KIAA1191: variants seen among roughly 807,000 people sequenced by gnomAD.
KIAA1191 encodes the protein putative monooxygenase p33MONOX.
In KIAA1191, 22 loss-of-function variants were observed where a neutral mutation model predicts 31.1. That is an observed-to-expected ratio of 0.71 (90% confidence interval 0.51 to 1.01). KIAA1191 has a LOEUF of 1.01. Among genes scored for constraint, KIAA1191 ranks in the 50% least tolerant of loss-of-function variants. The pLI is 0.00. For missense variants in KIAA1191, 319 were observed against 388.0 expected (o/e 0.82, Z 1.49); for synonymous variants, 130 against 143.9 (o/e 0.90, Z 0.69).
At chr5:176,350,570 G>C (rs776141924) in intron 6 of KIAA1191, 43 bp downstream of exon 6, 1 of 1,604,422 alleles carries the variant, frequency 6.2e-7, no homozygotes, top group Non-Finnish European at 8.5e-7. Flanking sequence ...TTCAAGCCAT[G>C]AACACTGAAG....
At chr5:176,360,220 G>C (rs1455321273) in intron 1 of KIAA1191, among the ~76,000 whole-genome samples, 1 of 146,756 alleles carries the variant, frequency 6.8e-6, no homozygotes, top group Admixed American at 6.9e-5. Context: ...GCAGTGGCGC[G>C]ATCTTGGCTC....
rs1365677177 is a variant in KIAA1191 at position 176,346,616 on chromosome 5, C to T, written c.*984G>A. 2 of 152,258 alleles carry T rather than the reference C, an allele frequency of 1.3e-5. No individual in the cohort carries two copies. The highest frequency in any genetic ancestry group is 2.9e-5 in the Non-Finnish European group (2 of 68,050). 9.4% of individuals were successfully genotyped at this position (152,258 alleles called of 1,614,324 possible). ...ATCTCACTTTAAAGTGCAAGAAAGG[C>T]TCTGCTAGAGTAGTGTTTGTTCTGT... On this transcript the variant is annotated 3_prime_UTR_variant, in exon 9 of 9. Transcript: ENST00000298569.
chr5:176,360,731 G>A (rs911638409), intron 1 of KIAA1191, among the ~76,000 whole-genome samples: 1 of 151,948 alleles, frequency 6.6e-6, no homozygotes, highest in Non-Finnish European at 1.5e-5. Flanking sequence ...AACCCGGGAG[G>A]CGGAGGTTGC....
rs1766490801 is a variant in KIAA1191, at chr5:176,346,226, A to G, written c.*1374T>C. ...AAAACAAAAAGCAGGTATTTGAGAC[A>G]GTGTTCAAGACAACAAGTGAACTTG... On this transcript the variant is annotated 3_prime_UTR_variant, in exon 9 of 9. Coordinates refer to ENST00000298569, the MANE Select transcript of KIAA1191 (RefSeq NM_020444.5). 1 of 152,268 alleles carries G rather than the reference A, an allele frequency of 6.6e-6. No homozygotes were observed. The highest frequency in any genetic ancestry group is 2.1e-4 in the South Asian group (1 of 4,836). The allele number at this position is 152,268 out of a possible 1,614,324, so 9.4% of individuals were successfully genotyped here. A position where few individuals can be genotyped will look rare whatever the true frequency, so the allele number is the denominator to read the frequency against.
chr5:176,360,643 A>C (rs970512934), intron 1 of KIAA1191, among the ~76,000 whole-genome samples: 1 of 151,726 alleles, frequency 6.6e-6, no homozygotes, highest in African/African-American at 2.4e-5. Context: ...TCTACTAAAA[A>C]TACAAAAATT....
At chr5:176,352,465 T>C (rs1285079366) in intron 5 of KIAA1191, among the ~76,000 whole-genome samples, 157 bp downstream of exon 5, 2 of 152,240 alleles carry the variant, frequency 1.3e-5, no homozygotes, top group South Asian at 2.1e-4. Flanking sequence ...ACTTAATAAA[T>C]GGAGCTTCAA....
At position 176,350,741 on chromosome 5, in the gene KIAA1191, G is replaced by A. The variant is rs747771883; in HGVS notation, c.335-4C>T. ...TGAATGCTTTCCTGGGTCTGTTCTG[G>A]GAACAGAGGAGATGACAGTCATGCC... On this transcript the variant is annotated splice_polypyrimidine_tract_variant and splice_region_variant and intron_variant, in intron 5 of 8. Transcript: ENST00000298569. 1.2e-6 allele frequency: 2 copies of A among 1,613,558 alleles called. No individual in the cohort carries two copies. The highest frequency in any genetic ancestry group is 1.1e-5 in the South Asian group (1 of 91,026).
chr5:176,348,179 T>A (rs1417853381), intron 7 of KIAA1191, 71 bp downstream of exon 7: 1 of 1,597,884 alleles, frequency 6.3e-7, no homozygotes, highest in Non-Finnish European at 8.6e-7. Flanking sequence ...CAGGCTTAAA[T>A]ACAACCTCAT....
At chr5:176,348,619 G>C (rs998485176) in intron 6 of KIAA1191, among the ~76,000 whole-genome samples, 1 of 150,936 alleles carries the variant, frequency 6.6e-6, no homozygotes, top group African/African-American at 2.4e-5. Flanking sequence ...TTTACTTTCA[G>C]AAACGTGAAG....
chr5:176,358,521 G>T (rs767096133), intron 3 of KIAA1191, among the ~76,000 whole-genome samples: 1 of 151,126 alleles, frequency 6.6e-6, no homozygotes, highest in Non-Finnish European at 1.5e-5. Flanking sequence ...TTTGAGACCA[G>T]CCTGGCCAAC....
In KIAA1191 at chr5:176,350,626, G is replaced by T. The variant is rs1240716783; in HGVS notation, c.446C>A (p.Ala149Asp). 1 of 1,613,840 alleles carries T rather than the reference G, an allele frequency of 6.2e-7. No homozygotes were observed. The highest frequency in any genetic ancestry group is 8.5e-7 in the Non-Finnish European group (1 of 1,180,018). ...TTEETKYLRV[A>D]EALHKLKLQS... ...CTAAGAGCTTACGTGGAGTGCTTCG[G>T]CCACTCGAAGGTACTTGGTCTCCTC... The change falls in exon 6 of 9, where the codon GCC becomes GAC. Residue 149 changes from alanine (A) to aspartate (D), a missense_variant. Physicochemically the swap from Ala to Asp is moderately radical, Grantham distance 126. Coordinates refer to ENST00000298569, the MANE Select transcript of KIAA1191 (RefSeq NM_020444.5).
chr5:176,360,812 T>C (rs761507572), intron 1 of KIAA1191, among the ~76,000 whole-genome samples: 3 of 150,936 alleles, frequency 2.0e-5, no homozygotes, highest in Non-Finnish European at 4.4e-5. Flanking sequence ...AAAATAAAAA[T>C]TAAAAAAATT....
At position 176,347,634 on chromosome 5, in the gene KIAA1191, C is replaced by T. The variant is rs780444541; in HGVS notation, c.884G>A (p.Arg295His). ...AGTGGGTGTGAGCACATTCAGGTCA[C>T]GGGGTTTGAGGTTATGGGCCCGTGG... ...QPPRAHNLKP[R>H]DLNVLTPTGF The change falls in exon 9 of 9, where the codon CGT becomes CAT. Residue 295 changes from arginine to histidine, a missense_variant. Physicochemically the swap from Arg to His is conservative, Grantham distance 29. Coordinates refer to ENST00000298569, the MANE Select transcript of KIAA1191 (RefSeq NM_020444.5). 1.3e-6 allele frequency: 2 copies of T among 1,534,770 alleles called. No homozygotes were observed. Among genetic ancestry groups the T allele is most frequent in the South Asian group, 1.3e-5 (1 of 76,972 alleles).
At chr5:176,354,824 G>A (rs1239232304) in intron 4 of KIAA1191, among the ~76,000 whole-genome samples, 6 of 152,210 alleles carry the variant, frequency 3.9e-5, no homozygotes, top group African/African-American at 1.4e-4. Flanking sequence ...ATGCAGGGAT[G>A]ACGACGGGGA....
intron 6 of KIAA1191, among the ~76,000 whole-genome samples, chr5:176,348,785 T>A (rs1460600835): frequency 6.6e-6 from 1 of 152,002 alleles, no homozygotes; most frequent in East Asian, 1.9e-4. Context: ...AAGCCAATAC[T>A]CAGGCATGCT....
In KIAA1191 at chr5:176,355,642, G is replaced by C; in HGVS notation, c.136C>G (p.Pro46Ala). 1.2e-6 allele frequency: 2 copies of C among 1,612,972 alleles called. No individual in the cohort carries two copies. Among genetic ancestry groups the C allele is most frequent in the South Asian group, 1.1e-5 (1 of 91,024 alleles). The change falls in exon 4 of 9, where the codon CCT (proline) becomes GCT (alanine). Residue 46 changes from proline to alanine, a missense_variant. Pro to Ala is a conservative substitution (Grantham distance 27). Coordinates refer to ENST00000298569, the MANE Select transcript of KIAA1191 (RefSeq NM_020444.5). The surrounding 1 kb of genome is among the most constrained non-coding windows in gnomAD (Gnocchi z 4.2). ...TLEDPAPMTP[P>A]PSDMGSVPWK... ...GGGACGCTGCCCATGTCCGATGGAG[G>C]AGGAGTCATGGGCGCAGGGTCCTCG...
rs575911822 is a variant in KIAA1191 at position 176,346,479 on chromosome 5, G to C, written c.*1121C>G. 80 of 152,292 alleles carry C rather than the reference G, an allele frequency of 5.3e-4. No individual in the cohort carries two copies. The highest frequency in any genetic ancestry group is 1.8e-3 in the African/African-American group (76 of 41,574). 9.4% of individuals were successfully genotyped at this position (152,292 alleles called of 1,614,324 possible). A position where few individuals can be genotyped will look rare whatever the true frequency, so the allele number is the denominator to read the frequency against. ...TGAACCTCAAGACTATAATCTAACGGTATCTACCATCTCCTTTACTTTAAA... is the reference window on the plus strand; with the variant it reads ...TGAACCTCAAGACTATAATCTAACGCTATCTACCATCTCCTTTACTTTAAA... On this transcript the variant is annotated 3_prime_UTR_variant, in exon 9 of 9. Transcript: ENST00000298569.
At chr5:176,349,460 A>G (rs754320942) in intron 6 of KIAA1191, among the ~76,000 whole-genome samples, 15 of 152,218 alleles carry the variant, frequency 9.9e-5, no homozygotes, top group Non-Finnish European at 1.8e-4. Context: ...CAGGTGGATC[A>G]CATGAAGTCA....
At chr5:176,359,607 C>T (rs1253920405) in intron 2 of KIAA1191, 40 bp from the exon 3 acceptor site, 4 of 942,482 alleles carry the variant, frequency 4.2e-6, no homozygotes, top group Non-Finnish European at 7.0e-6. Context: ...TGGTGAGCAG[C>T]ACCAATGCTG....
Sources: gnomAD v4.1 joint callset for allele counts (sites outside exome capture counted in the v4.1 genomes callset) on GRCh38, gnomAD v4.1.1 for gene constraint, Gnocchi (gnomAD v3.1) non-coding constraint, MANE v1.5 for transcripts, NCBI Gene and HGNC (gene_info 2026-07-23, HGNC 2026-07-21) for gene names.